Variants in CEP128 observed in about 807,000 individuals in gnomAD.
The protein encoded by CEP128 is centrosomal protein 128kDa.
Under a neutral mutation model 156.7 loss-of-function variants are expected in CEP128, and 132 were observed. The ratio of observed to expected loss-of-function variants is 0.84; its 90% CI spans 0.73 to 0.97. CEP128 has a LOEUF of 0.97. Ranked by LOEUF, CEP128 falls within the 50% of genes least tolerant of loss-of-function variation. The pLI, the probability that CEP128 is intolerant of heterozygous loss-of-function variation, is 0.00. For missense variants in CEP128, 1,252 were observed against 1,281.9 expected (o/e 0.98, Z 0.36); for synonymous variants, 469 against 448.9 (o/e 1.04, Z -0.57).
intron 19 of CEP128, among the ~76,000 whole-genome samples, chr14:80,673,849 C>A (rs1193652238): frequency 6.6e-6 from 1 of 151,260 alleles, no homozygotes; most frequent in African/African-American, 2.4e-5. Context: ...AAAGTCCCAA[C>A]AATTAATTAA....
chr14:80,480,167 T>TCCAC (rs1887023283), intron 14 of CEP128, among the ~76,000 whole-genome samples: 1 of 152,126 alleles, frequency 6.6e-6, no homozygotes, highest in Admixed American at 6.5e-5. Flanking sequence ...TTCTCACAGC[T>TCCAC]CCACTGGACA....
At chr14:80,872,274 C>T (rs1208326312) in intron 8 of CEP128, among the ~76,000 whole-genome samples, 3 of 152,102 alleles carry the variant, frequency 2.0e-5, no homozygotes, top group South Asian at 2.1e-4. Context: ...GATTGCGTAT[C>T]ACCACAATTA....
At chr14:80,557,305 C>T (rs970548114) in intron 21 of CEP128, among the ~76,000 whole-genome samples, 8 of 152,054 alleles carry the variant, frequency 5.3e-5, no homozygotes, top group African/African-American at 1.7e-4. Flanking sequence ...ATCGTGGTAA[C>T]GATAACATTT....
chr14:80,776,197 CACATT>C lies in CEP128; in HGVS notation c.2376+1680_2376+1684del, dbSNP rs1224144797. ...TAAATGCAGCTATGGAAATATAAAA[CACATT>C]AATGCAATCTTCTGGCTAACTTCAT... is the stretch of plus-strand genomic sequence containing the variant. On this transcript the variant is annotated intron_variant, in intron 16 of 24. Coordinates refer to ENST00000555265, the MANE Select transcript of CEP128 (RefSeq NM_152446.5). Among the ~76,000 whole-genome samples, 8 of 152,156 alleles carry C rather than the reference CACATT, an allele frequency of 5.3e-5. No homozygotes were observed. The East Asian group carries it at 1.5e-3, about 29-fold the overall frequency.
intron 8 of CEP128, among the ~76,000 whole-genome samples, chr14:80,880,903 ATAAT>A (rs1566689649): frequency 7.3e-6 from 1 of 137,258 alleles, no homozygotes; most frequent in African/African-American, 2.7e-5. Flanking sequence ...AATAATAATA[ATAAT>A]AATTTCAGTA....
chr14:80,722,613 G>T (rs993671076), intron 19 of CEP128, among the ~76,000 whole-genome samples: 22 of 151,532 alleles, frequency 1.5e-4, no homozygotes, highest in African/African-American at 5.1e-4. Flanking sequence ...GTTTATTGAA[G>T]CATTTAACAG....
intron 19 of CEP128, among the ~76,000 whole-genome samples, chr14:80,679,088 C>G (rs1201975206): frequency 6.6e-6 from 1 of 152,040 alleles, no homozygotes; most frequent in Non-Finnish European, 1.5e-5. Flanking sequence ...TCTCTTAATC[C>G]TGTTATCTTC....
At chr14:80,603,303 C>CTA (rs2140540948) in intron 19 of CEP128, among the ~76,000 whole-genome samples, 1 of 152,174 alleles carries the variant, frequency 6.6e-6, no homozygotes, top group South Asian at 2.1e-4. Flanking sequence ...ACAGGCAAAT[C>CTA]CATAGAGACA....
At chr14:80,750,187 T>C (rs1350002920) in intron 18 of CEP128, among the ~76,000 whole-genome samples, 3 of 152,112 alleles carry the variant, frequency 2.0e-5, no homozygotes, top group Non-Finnish European at 4.4e-5. Flanking sequence ...ACAGAAAATA[T>C]GGAAATGTAT....
chr14:80,821,942 A>G lies in CEP128; in HGVS notation c.1209+9201T>C, dbSNP rs549810860. Among the ~76,000 whole-genome samples, 32 of 152,342 alleles carry G rather than the reference A, an allele frequency of 2.1e-4. 1 individual carries two copies. Among genetic ancestry groups the G allele is most frequent in the African/African-American group, 7.2e-4 (30 of 41,578 alleles). ...GCGGAAGGTGACAGGCACGCAGACA[A>G]GAGAAAGGAGCTTGTGCAGGGAAAC... On this transcript the variant is annotated intron_variant, in intron 13 of 24. Coordinates refer to ENST00000555265, the MANE Select transcript of CEP128 (RefSeq NM_152446.5).
At position 80,557,202 on chromosome 14, in the gene CEP128, AACAAAT is replaced by A. The variant is rs1282158133; in HGVS notation, c.2880+2071_2880+2076del. Among the ~76,000 whole-genome samples the A allele has an allele frequency of 5.3e-5, 8 of 152,322 alleles. No individual in the cohort carries two copies. In the East Asian group the frequency reaches 1.5e-3, roughly 29 times the overall value. ...GTGAAGAGATTAGATAAAAACAATTAACAAATACAAATAATCATTGTTGCTGATATA... is the reference window on the plus strand; with the variant it reads ...GTGAAGAGATTAGATAAAAACAATTAACAAATAATCATTGTTGCTGATATA... On this transcript the variant is annotated intron_variant, in intron 21 of 24. Coordinates refer to ENST00000555265, the MANE Select transcript of CEP128 (RefSeq NM_152446.5).
intron 19 of CEP128, among the ~76,000 whole-genome samples, chr14:80,592,804 C>T (rs183922385): frequency 1.3e-5 from 2 of 152,260 alleles, no homozygotes; most frequent in African/African-American, 4.8e-5. Context: ...TATCCATAAT[C>T]ATCCAGTCGG....
intron 9 of CEP128, among the ~76,000 whole-genome samples, chr14:80,862,101 C>T (rs968907243): frequency 6.6e-6 from 1 of 152,162 alleles, no homozygotes. Context: ...TTAAGGGTAA[C>T]TATTCTCCAT....
At chr14:80,868,516 G>A (rs1887879386) in intron 8 of CEP128, among the ~76,000 whole-genome samples, 1 of 151,944 alleles carries the variant, frequency 6.6e-6, no homozygotes, top group Non-Finnish European at 1.5e-5. Flanking sequence ...AAAAGACAGA[G>A]AAAGCAGTCA....
At position 80,784,890 on chromosome 14, in the gene CEP128, G is replaced by A. The variant is rs1166714889; in HGVS notation, c.2211+5C>T. ...AGTATCATCAGGATAATTTAGCAGA[G>A]GTACCTTCAGAGTCCTGATATGATT... On this transcript the variant is annotated splice_donor_5th_base_variant and intron_variant, in intron 15 of 24. Transcript: ENST00000555265. The A allele has an allele frequency of 3.1e-5, 50 of 1,592,124 alleles. No homozygotes were observed. Among genetic ancestry groups the A allele is most frequent in the Middle Eastern group, 1.7e-4 (1 of 5,930 alleles).
chr14:80,527,153 A>G (rs1042908027), intron 22 of CEP128, 171 bp from the exon 23 acceptor site: 1 of 560,586 alleles, frequency 1.8e-6, no homozygotes, highest in Non-Finnish European at 3.2e-6. Flanking sequence ...AGAAGGCTAC[A>G]CACAGTGGCT....
chr14:80,935,646 C>A (rs1323104087), intron 2 of CEP128, among the ~76,000 whole-genome samples: 54 of 51,590 alleles, frequency 1.0e-3, no homozygotes, highest in African/African-American at 1.4e-3. Context: ...GTCCCCCCAC[C>A]AAAAAAAAAA....
chr14:80,892,664 A>C (rs1336855450), intron 8 of CEP128, among the ~76,000 whole-genome samples: 1 of 151,868 alleles, frequency 6.6e-6, no homozygotes. Context: ...TGAGGTTAAT[A>C]CCCAAAATTT....
intron 19 of CEP128, among the ~76,000 whole-genome samples, chr14:80,592,210 A>T (rs924688912): frequency 6.6e-6 from 1 of 152,198 alleles, no homozygotes; most frequent in East Asian, 1.9e-4. Context: ...AAATCAATGA[A>T]TCCAGGAGCT....
Sources: allele counts gnomAD v4.1 joint callset (sites outside exome capture counted in the v4.1 genomes callset), GRCh38; gene constraint gnomAD v4.1.1; transcripts MANE v1.5; gene names NCBI Gene and HGNC (gene_info 2026-07-23, HGNC 2026-07-21).